The following CWC27 variants were observed in gnomAD, a reference collection of about 807,000 sequenced individuals.
CWC27 encodes CWC27 spliceosome associated cyclophilin, also known as spliceosome-associated protein CWC27 homolog.
A neutral mutation model predicts 63.6 loss-of-function variants in CWC27; 47 were observed. The observed-to-expected ratio is 0.74, with a 90% CI of 0.58 to 0.94. The LOEUF (loss-of-function observed/expected upper bound fraction) is 0.94, where lower values mean the gene tolerates loss of function less well. CWC27 is among the 40% of genes least tolerant of loss of function. The probability of loss-of-function intolerance (pLI) is 0.00; values close to 1 mark genes in which losing one functional copy is unlikely to be tolerated. For synonymous variants in CWC27, 175 were observed against 179.8 expected, an observed-to-expected ratio of 0.97 and a Z score of 0.22; for missense variants, 495 against 554.3, an observed-to-expected ratio of 0.89 and a Z score of 1.07.
chr5:64,938,543 T>A (rs556078431), intron 11 of CWC27, among the ~76,000 whole-genome samples: 2 of 152,214 alleles, frequency 1.3e-5, no homozygotes, highest in Non-Finnish European at 2.9e-5. Context: ...TAACATTTTT[T>A]CCTTCATTTC....
At chr5:64,901,193 A>G (rs1260993558) in intron 11 of CWC27, among the ~76,000 whole-genome samples, 2 of 152,150 alleles carry the variant, frequency 1.3e-5, no homozygotes, top group Non-Finnish European at 2.9e-5. Flanking sequence ...ACAGGTAAGT[A>G]TTTGTGTATT....
chr5:64,887,459 C>A (rs757912485), intron 11 of CWC27, among the ~76,000 whole-genome samples: 4 of 152,112 alleles, frequency 2.6e-5, no homozygotes, highest in African/African-American at 9.7e-5. Context: ...CCCCCGCCTT[C>A]GGGTTCAAGT....
chr5:64,808,466 T>C, intron 10 of CWC27: 11 of 477,488 alleles, frequency 2.3e-5, no homozygotes, highest in Non-Finnish European at 3.0e-5. Context: ...AGTGATCATA[T>C]CCATTTACAT....
intron 11 of CWC27, among the ~76,000 whole-genome samples, chr5:64,948,573 A>G (rs1748640560): frequency 6.6e-6 from 1 of 152,050 alleles, no homozygotes; most frequent in African/African-American, 2.4e-5. Context: ...AATCCATTAG[A>G]CACTTACCTC....
rs138773673 is a variant in CWC27, at chr5:64,892,110, T to C, written c.1042+6564T>C. Among the ~76,000 whole-genome samples the C allele has an allele frequency of 3.3e-3, 497 of 152,294 alleles. 4 individuals carry two copies. Among genetic ancestry groups the C allele is most frequent in the East Asian group, 0.013 (67 of 5,182 alleles). The stretch of plus-strand genomic sequence containing the variant: ...ACTCCCAGCTCTGTTGCTACTCTTA[T>C]TAAGAACCAATGTATTTAGGATATC... On this transcript the variant is annotated intron_variant, in intron 11 of 13. Coordinates refer to ENST00000381070, the MANE Select transcript of CWC27 (RefSeq NM_005869.4).
chr5:65,013,962 A>G (rs143809591), intron 13 of CWC27, among the ~76,000 whole-genome samples: 20 of 152,246 alleles, frequency 1.3e-4, no homozygotes, highest in Non-Finnish European at 2.2e-4. Flanking sequence ...TCCCATTGAT[A>G]CAAATAGCTA....
chr5:64,774,210 T>C (rs1007332191), intron 1 of CWC27, among the ~76,000 whole-genome samples: 7 of 152,134 alleles, frequency 4.6e-5, no homozygotes, highest in African/African-American at 1.7e-4. Flanking sequence ...GGCTGGAATA[T>C]AGTGGCATGA....
intron 10 of CWC27, among the ~76,000 whole-genome samples, chr5:64,831,451 A>G (rs78446607): frequency 0.35 from 53,196 of 150,834 alleles, 9,807 homozygotes; most frequent in East Asian, 0.51. Context: ...ATTATTGAGG[A>G]CTCCAAAAAG....
intron 3 of CWC27, among the ~76,000 whole-genome samples, chr5:64,783,026 AC>A (rs1743754007): frequency 6.6e-6 from 1 of 152,206 alleles, no homozygotes; most frequent in African/African-American, 2.4e-5. Flanking sequence ...TTCAGGTAAT[AC>A]AGTTATCTTG....
At chr5:64,891,772 TTG>T (rs1491350796) in intron 11 of CWC27, among the ~76,000 whole-genome samples, 1 of 9,836 alleles carries the variant, frequency 1.0e-4, no homozygotes, top group Non-Finnish European at 2.1e-4. Flanking sequence ...TTGGGATACT[TTG>T]TTGTTGTTGT....
chr5:64,774,700 A>G lies in CWC27; in HGVS notation c.52A>G (p.Lys18Glu). ...AATATTCTTTCTACAGGTTTTATTG[A>G]AAACTACAGCTGGAGATATTGACAT... ...EPPTNGKVLL[K>E]TTAGDIDIEL... is the part of the protein sequence containing the mutation. The change falls in exon 2 of 14, where the codon AAA becomes GAA. Residue 18 changes from lysine to glutamate, a missense_variant. Around this residue, in one of 3 missense-constraint regions of CWC27, gnomAD observed 463 missense variants for 498.1 expected, o/e 0.93. Coordinates refer to ENST00000381070, the MANE Select transcript of CWC27 (RefSeq NM_005869.4). The G allele has an allele frequency of 6.4e-7, 1 of 1,562,922 alleles. No individual in the cohort carries two copies. Among genetic ancestry groups the G allele is most frequent in the East Asian group, 2.3e-5 (1 of 43,132 alleles).
intron 10 of CWC27, among the ~76,000 whole-genome samples, chr5:64,816,620 T>C (rs964264860): frequency 6.6e-6 from 1 of 152,156 alleles, no homozygotes; most frequent in Non-Finnish European, 1.5e-5. Context: ...GTGGAACCAT[T>C]GTTGCAGCTT....
In CWC27 at chr5:64,923,871, C is replaced by T. The variant is rs575621420; in HGVS notation, c.1042+38325C>T. Among the ~76,000 whole-genome samples, 4 of 152,054 alleles carry T rather than the reference C, an allele frequency of 2.6e-5. No homozygotes were observed. The South Asian group carries it at 8.3e-4, about 32-fold the overall frequency. ...ATAATAATAATTCCCAGACCTGAAT[C>T]CCTACTACTATTACTAGTTGTACCA... On this transcript the variant is annotated intron_variant, in intron 11 of 13. Transcript: ENST00000381070.
At chr5:64,995,192 A>T (rs890092173) in intron 13 of CWC27, among the ~76,000 whole-genome samples, 1 of 151,940 alleles carries the variant, frequency 6.6e-6, no homozygotes, top group East Asian at 1.9e-4. Flanking sequence ...GGCTGGTCTC[A>T]AACTCCTGGC....
At chr5:64,889,583 CTCTT>C (rs1369632556) in intron 11 of CWC27, among the ~76,000 whole-genome samples, 4 of 152,116 alleles carry the variant, frequency 2.6e-5, no homozygotes, top group Non-Finnish European at 5.9e-5. Context: ...TAATATAATT[CTCTT>C]TCTAATTATG....
chr5:64,950,633 G>A (rs992605741), intron 11 of CWC27, among the ~76,000 whole-genome samples: 47 of 151,922 alleles, frequency 3.1e-4, no homozygotes, highest in African/African-American at 1.1e-3. Context: ...CAGCTTTATT[G>A]AGGTATACTT....
At chr5:64,834,207 G>T (rs555064468) in intron 10 of CWC27, among the ~76,000 whole-genome samples, 2 of 151,054 alleles carry the variant, frequency 1.3e-5, no homozygotes, top group African/African-American at 4.9e-5. Flanking sequence ...ATCTGTTTGC[G>T]TAATAAGGTA....
chr5:64,825,753 T>C (rs1745338957), intron 10 of CWC27, among the ~76,000 whole-genome samples: 1 of 152,164 alleles, frequency 6.6e-6, no homozygotes, highest in Admixed American at 6.5e-5. Context: ...GTCAGCTTGG[T>C]GGGGCGATGG....
intron 1 of CWC27, among the ~76,000 whole-genome samples, chr5:64,770,410 A>G (rs1372909957): frequency 6.6e-6 from 1 of 152,150 alleles, no homozygotes; most frequent in Non-Finnish European, 1.5e-5. Flanking sequence ...ACTGGTAGAG[A>G]TTGAATAGAT....
Sources: allele counts gnomAD v4.1 joint callset (sites outside exome capture counted in the v4.1 genomes callset), GRCh38; gene constraint gnomAD v4.1.1; regional missense constraint gnomAD v4.1.1; transcripts MANE v1.5; gene names NCBI Gene and HGNC (gene_info 2026-07-23, HGNC 2026-07-21).